Variants in SERGEF observed in about 807,000 individuals in gnomAD.
SERGEF encodes secretion regulating guanine nucleotide exchange factor.
In SERGEF, 51 loss-of-function variants were observed where a neutral mutation model predicts 50.0. That is an observed-to-expected ratio of 1.02 (90% CI 0.81 to 1.29). The LOEUF is 1.29. SERGEF is among the 50% of genes most tolerant of loss of function. SERGEF has a pLI of 0.00. For missense variants in SERGEF, 521 were observed against 557.0 expected (o/e 0.94, Z 0.65); for synonymous variants, 205 against 212.4 (o/e 0.97, Z 0.30).
At chr11:17,922,151 G>A (rs1209037510) in intron 9 of SERGEF, among the ~76,000 whole-genome samples, 2 of 152,200 alleles carry the variant, frequency 1.3e-5, no homozygotes, top group Non-Finnish European at 2.9e-5. Flanking sequence ...GAAACAGAGT[G>A]TCCTTGGAGA....
chr11:17,984,900 T>C (rs1853564170), intron 8 of SERGEF, among the ~76,000 whole-genome samples: 1 of 152,214 alleles, frequency 6.6e-6, no homozygotes, highest in African/African-American at 2.4e-5. Context: ...ACTGCTCTCA[T>C]GTAATTTACA....
chr11:17,997,789 T>C (rs1473542199), intron 5 of SERGEF, among the ~76,000 whole-genome samples: 3 of 152,020 alleles, frequency 2.0e-5, no homozygotes, highest in African/African-American at 7.2e-5. Context: ...AAAAGACAAA[T>C]ACTGTATGAT....
chr11:17,879,239 T>C lies in SERGEF; in HGVS notation c.1012-995A>G, dbSNP rs1461129131. On this transcript the variant is annotated intron_variant, in intron 9 of 10. Coordinates refer to ENST00000265965, the MANE Select transcript of SERGEF (RefSeq NM_012139.4). ...TACTTCTTGCCCTTCAGTCTCCATA[T>C]GTCCCAACTGCTAGCAGGAGGAAGT... 5.3e-4 allele frequency among the ~76,000 whole-genome samples: 80 copies of C among 152,236 alleles called. 1 individual carries two copies. The highest frequency in any genetic ancestry group is 5.2e-3 in the Admixed American group (80 of 15,290).
chr11:17,818,432 T>C (rs1565175679), intron 10 of SERGEF, among the ~76,000 whole-genome samples: 1 of 152,198 alleles, frequency 6.6e-6, no homozygotes, highest in East Asian at 1.9e-4. Context: ...TCCATACATA[T>C]GTACCTTATT....
chr11:17,994,605 G>C (rs1178454663), intron 6 of SERGEF, among the ~76,000 whole-genome samples: 1 of 152,108 alleles, frequency 6.6e-6, no homozygotes, highest in Non-Finnish European at 1.5e-5. Context: ...TATGCCTGGG[G>C]AGAAGTGAAT....
intron 10 of SERGEF, among the ~76,000 whole-genome samples, chr11:17,838,498 G>T: frequency 6.6e-6 from 1 of 152,126 alleles, no homozygotes. Flanking sequence ...AACAAGTATT[G>T]ACTGAGCACC....
intron 9 of SERGEF, among the ~76,000 whole-genome samples, chr11:17,913,791 G>A (rs993208384): frequency 3.3e-5 from 5 of 152,006 alleles, no homozygotes; most frequent in African/African-American, 1.2e-4. Context: ...CACACAGCCT[G>A]GTTGTACAGG....
intron 10 of SERGEF, among the ~76,000 whole-genome samples, chr11:17,798,618 CA>C (rs1207499350): frequency 1.3e-5 from 2 of 152,230 alleles, no homozygotes; most frequent in African/African-American, 4.8e-5. Context: ...TTAGAACTTA[CA>C]AGGTGGAAAC....
At chr11:17,804,829 A>G (rs556112291) in intron 10 of SERGEF, among the ~76,000 whole-genome samples, 3 of 152,298 alleles carry the variant, frequency 2.0e-5, no homozygotes, top group Non-Finnish European at 2.9e-5. Flanking sequence ...TTACTCTCCT[A>G]CTGTCTGTAA....
intron 10 of SERGEF, among the ~76,000 whole-genome samples, chr11:17,797,588 T>TTTATTTAAATATTTAAATATTTATCA (rs1849592404): frequency 6.6e-6 from 1 of 152,192 alleles, no homozygotes; most frequent in Non-Finnish European, 1.5e-5. Context: ...TTTTTACAGT[T>TTTATTTAAATATTTAAATATTTATCA]TATTTATTTT....
intron 10 of SERGEF, among the ~76,000 whole-genome samples, chr11:17,791,849 GTTA>G (rs1252851452): frequency 6.6e-6 from 1 of 152,212 alleles, no homozygotes; most frequent in African/African-American, 2.4e-5. Flanking sequence ...ATAAATGTTT[GTTA>G]TTGTTGTTGT....
chr11:17,897,697 G>A (rs940289663), intron 9 of SERGEF, among the ~76,000 whole-genome samples: 4 of 152,196 alleles, frequency 2.6e-5, no homozygotes, highest in Admixed American at 2.0e-4. Context: ...AATTTATAGT[G>A]ATAGAAAGCA....
At chr11:17,999,585 A>G (rs1423986841) in intron 5 of SERGEF, 1 of 456,186 alleles carries the variant, frequency 2.2e-6, no homozygotes, top group East Asian at 6.9e-5. Context: ...TCAGTTCAAA[A>G]GGAGTAAGAG....
chr11:17,840,677 A>C (rs1850485137), intron 10 of SERGEF, among the ~76,000 whole-genome samples: 1 of 152,172 alleles, frequency 6.6e-6, no homozygotes, highest in African/African-American at 2.4e-5. Context: ...CAGATTGAAG[A>C]GTTGCAGCTG....
intron 10 of SERGEF, among the ~76,000 whole-genome samples, chr11:17,803,281 T>A (rs1246731106): frequency 6.6e-6 from 1 of 152,244 alleles, no homozygotes; most frequent in Non-Finnish European, 1.5e-5. Context: ...ATCAACCCTG[T>A]CCTGGCAGGC....
At chr11:17,923,315 C>T (rs574793704) in intron 9 of SERGEF, among the ~76,000 whole-genome samples, 3 of 152,332 alleles carry the variant, frequency 2.0e-5, no homozygotes, top group African/African-American at 7.2e-5. Flanking sequence ...GGATCCAGTA[C>T]ACAGCAGAGG....
In SERGEF at chr11:18,012,723, C is replaced by T; in HGVS notation, c.60+228G>A. 6.1e-6 allele frequency: 8 copies of T among 1,319,364 alleles called. No individual in the cohort carries two copies. The South Asian group carries it at 7.2e-5, about 12-fold the overall frequency. 81.7% of individuals were successfully genotyped at this position (1,319,364 alleles called of 1,614,324 possible). A position where few individuals can be genotyped will look rare whatever the true frequency, so the allele number is the denominator to read the frequency against. On this transcript the variant is annotated intron_variant, in intron 1 of 10. Coordinates refer to ENST00000265965, the MANE Select transcript of SERGEF (RefSeq NM_012139.4). ...CCCGCGGCGCCACAGCCCCTCCGGCCCTGACCCCGCCAGCCGGCAGGCCCC... is the reference window on the plus strand; with the variant it reads ...CCCGCGGCGCCACAGCCCCTCCGGCTCTGACCCCGCCAGCCGGCAGGCCCC...
chr11:18,006,870 A>G, intron 2 of SERGEF, 124 bp from the exon 3 acceptor site: 2 of 1,094,412 alleles, frequency 1.8e-6, no homozygotes, highest in Middle Eastern at 5.7e-4. Context: ...ATCCAAGTTA[A>G]TAAGCTGTGT....
intron 9 of SERGEF, among the ~76,000 whole-genome samples, chr11:17,926,453 T>G (rs1852251348): frequency 6.6e-6 from 1 of 152,010 alleles, no homozygotes; most frequent in African/African-American, 2.4e-5. Context: ...AGTATCAGAG[T>G]GCCTGGCTCC....
Sources: allele counts gnomAD v4.1 joint callset (sites outside exome capture counted in the v4.1 genomes callset), GRCh38; gene constraint gnomAD v4.1.1; transcripts MANE v1.5; gene names NCBI Gene and HGNC (gene_info 2026-07-23, HGNC 2026-07-21).